ANO1: variants seen among roughly 807,000 people sequenced by gnomAD.
ANO1 encodes anoctamin-1.
In ANO1, 59 loss-of-function variants were observed where a neutral mutation model predicts 124.0. The observed-to-expected ratio is 0.48, with a 90% CI of 0.39 to 0.59. The LOEUF is 0.59. Ranked by LOEUF, ANO1 falls within the 20% of genes least tolerant of loss-of-function variation. The pLI is 0.00. For missense variants in ANO1, 1,059 were observed against 1,328.0 expected, an observed-to-expected ratio of 0.80 and a Z score of 3.15; for synonymous variants, 529 against 532.0, an observed-to-expected ratio of 0.99 and a Z score of 0.08.
intron 1 of ANO1, among the ~76,000 whole-genome samples, chr11:70,050,848 G>A (rs1317980467): frequency 1.3e-5 from 2 of 152,266 alleles, no homozygotes; most frequent in African/African-American, 2.4e-5. Context: ...TCTGTCAAAT[G>A]GGGATACTAA....
intron 1 of ANO1, among the ~76,000 whole-genome samples, chr11:70,042,595 T>G (rs1445943392): frequency 6.6e-6 from 1 of 151,850 alleles, no homozygotes; most frequent in Non-Finnish European, 1.5e-5. Context: ...TGCCCTTAAG[T>G]CTTTGGCTGA....
At chr11:70,181,378 T>C (rs1336483238) in intron 23 of ANO1, among the ~76,000 whole-genome samples, 1 of 152,100 alleles carries the variant, frequency 6.6e-6, no homozygotes, top group East Asian at 1.9e-4. Flanking sequence ...CCTCTGACAG[T>C]GCCCTTTCCC....
intron 1 of ANO1, among the ~76,000 whole-genome samples, chr11:70,021,477 C>CT (rs58399294): frequency 0.093 from 13,456 of 145,170 alleles, 717 homozygotes; most frequent in Middle Eastern, 0.12. Context: ...GTTGTTGTTT[C>CT]TTTTTTTTTT....
chr11:70,082,232 A>G (rs898847048), intron 1 of ANO1, among the ~76,000 whole-genome samples: 1 of 152,112 alleles, frequency 6.6e-6, no homozygotes. Context: ...TCATTCATTC[A>G]GCAACCACAT....
At chr11:70,167,488 T>C (rs997210397) in intron 21 of ANO1, 101 bp downstream of exon 21, 14 of 1,444,158 alleles carry the variant, frequency 9.7e-6, no homozygotes, top group Non-Finnish European at 1.2e-5. Context: ...CCCCCAACCC[T>C]GCGGTGCCCA....
chr11:70,130,217 C>T (rs2046694715), intron 10 of ANO1, among the ~76,000 whole-genome samples: 2 of 152,220 alleles, frequency 1.3e-5, no homozygotes, highest in Non-Finnish European at 1.5e-5. Flanking sequence ...AAGTTCAAAG[C>T]AGGCCAGAGC....
intron 10 of ANO1, among the ~76,000 whole-genome samples, chr11:70,129,064 C>T (rs752504104): frequency 5.1e-4 from 78 of 152,334 alleles, no homozygotes; most frequent in Non-Finnish European, 8.5e-4. Context: ...TCGCGTTGTG[C>T]CCAACTGGGG....
chr11:70,085,655 T>C, intron 1 of ANO1: 1 of 1,503,622 alleles, frequency 6.7e-7, no homozygotes, highest in Non-Finnish European at 8.9e-7. Context: ...ACCCTTGACA[T>C]CAACACCTAT....
chr11:70,021,992 C>T (rs1021410283), intron 1 of ANO1, among the ~76,000 whole-genome samples: 1 of 152,306 alleles, frequency 6.6e-6, no homozygotes, highest in South Asian at 2.1e-4. Context: ...CTGCTGTGTG[C>T]TCAGATCAGA....
At chr11:70,122,480 G>T (rs1378108428) in intron 8 of ANO1, among the ~76,000 whole-genome samples, 5 of 118,894 alleles carry the variant, frequency 4.2e-5, no homozygotes, top group Non-Finnish European at 5.0e-5. Flanking sequence ...CTCTCCATCT[G>T]CCTCTGTCTC....
At chr11:70,149,461 G>A in intron 11 of ANO1, 1 of 442,136 alleles carries the variant, frequency 2.3e-6, no homozygotes, top group Non-Finnish European at 4.2e-6. Flanking sequence ...GACCAGCCTG[G>A]CCAACATGGT....
At chr11:70,156,705 T>C (rs2047829705) in intron 15 of ANO1, among the ~76,000 whole-genome samples, 1 of 152,212 alleles carries the variant, frequency 6.6e-6, no homozygotes, top group Non-Finnish European at 1.5e-5. Context: ...GGAATCACAG[T>C]GTTAAACGGT....
chr11:70,027,613 C>T (rs186722129), intron 1 of ANO1, among the ~76,000 whole-genome samples: 1 of 152,208 alleles, frequency 6.6e-6, no homozygotes, highest in Non-Finnish European at 1.5e-5. Flanking sequence ...AACAGGATCT[C>T]GCACACAGTA....
At chr11:70,152,150 CAG>C (rs1021592207) in intron 12 of ANO1, among the ~76,000 whole-genome samples, 37 of 152,054 alleles carry the variant, frequency 2.4e-4, no homozygotes, top group African/African-American at 8.9e-4. Flanking sequence ...TCCTGGCTAA[CAG>C]GGTGAAACCC....
At chr11:70,167,522 A>G (rs774946432) in intron 21 of ANO1, 135 bp downstream of exon 21, 70 of 1,288,270 alleles carry the variant, frequency 5.4e-5, no homozygotes, top group Non-Finnish European at 7.0e-5. Context: ...AGCATCAGGC[A>G]GGGAGAAGAG....
At chr11:70,033,440 T>A (rs1857039621) in intron 1 of ANO1, among the ~76,000 whole-genome samples, 1 of 152,322 alleles carries the variant, frequency 6.6e-6, no homozygotes, top group Admixed American at 6.5e-5. Flanking sequence ...AATGTGAGGA[T>A]GAATTCCACC....
In ANO1 at chr11:70,067,755, G is replaced by A. The variant is rs527379115; in HGVS notation, c.59-10787G>A. Reference sequence around the variant, plus strand: ...GCCTTCCCGTCCCTCCAGACCTCCCGACCCCCTGCCCCGGCTTGGGCAGTC... The same window carrying A: ...GCCTTCCCGTCCCTCCAGACCTCCCAACCCCCTGCCCCGGCTTGGGCAGTC... On this transcript the variant is annotated intron_variant, in intron 1 of 27. Transcript: ENST00000531349. 3.2e-3 allele frequency among the ~76,000 whole-genome samples: 486 copies of A among 152,186 alleles called. 2 individuals are homozygous for A. Among genetic ancestry groups the A allele is most frequent in the African/African-American group, 0.011 (472 of 41,524 alleles).
rs770177601 is a variant in ANO1, at chr11:70,078,559, G to A, written c.-48G>A. ...GCCCGCAGAGGCCGCCGGGGCCGTG[G>A]ATGGGGAGGGCGCGCCGCCCGGCGG... On this transcript the variant is annotated 5_prime_UTR_variant, in exon 1 of 26. Coordinates refer to ENST00000355303, the MANE Select transcript of ANO1 (RefSeq NM_018043.7). The A allele has an allele frequency of 3.7e-6, 5 of 1,356,732 alleles. No homozygotes were observed. Among genetic ancestry groups the A allele is most frequent in the Admixed American group, 2.5e-5 (1 of 40,756 alleles). 84.0% of individuals were successfully genotyped at this position (1,356,732 alleles called of 1,614,324 possible).
chr11:70,090,594 T>C (rs1007803962), intron 2 of ANO1, among the ~76,000 whole-genome samples: 1 of 152,220 alleles, frequency 6.6e-6, no homozygotes, highest in Non-Finnish European at 1.5e-5. Flanking sequence ...CATATATTAT[T>C]GTTCATACTG....
Sources: allele counts gnomAD v4.1 joint callset (sites outside exome capture counted in the v4.1 genomes callset), GRCh38; gene constraint gnomAD v4.1.1; transcripts MANE v1.5; gene names NCBI Gene and HGNC (gene_info 2026-07-23, HGNC 2026-07-21).